Variants in CAPRIN1 observed in about 807,000 individuals in gnomAD.
CAPRIN1 encodes the protein cell cycle associated protein 1.
In CAPRIN1, 29 loss-of-function variants were observed where a neutral mutation model predicts 100.9. That is an observed-to-expected ratio of 0.29 (90% CI 0.21 to 0.39). The LOEUF is 0.39. Among genes scored for constraint, CAPRIN1 ranks in the 10% least tolerant of loss-of-function variants. CAPRIN1 has a pLI of 1.00. For missense variants in CAPRIN1, 795 were observed against 876.7 expected (o/e 0.91, Z 1.18); for synonymous variants, 338 against 307.5 (o/e 1.10, Z -1.04).
Position 34,052,243 on chromosome 11 carries a change from T to TCGCG in CAPRIN1, c.1-170_1-167dup, listed in dbSNP as rs139830067. 7.1e-5 allele frequency: 20 copies of TCGCG among 280,206 alleles called. No homozygotes were observed. The East Asian group carries it at 1.1e-3, about 15-fold the overall frequency. 17.4% of individuals were successfully genotyped at this position (280,206 alleles called of 1,614,324 possible). ...CCCAGCCGGGCGCCCCGCTGGCGGG[T>TCGCG]CGCGCGCGCGCCCGCGCACTCTTCC... On this transcript the variant is annotated intron_variant, in intron 1 of 18. Transcript: ENST00000341394.
At chr11:34,073,425 A>G (rs998088362) in intron 4 of CAPRIN1, among the ~76,000 whole-genome samples, 4 of 152,176 alleles carry the variant, frequency 2.6e-5, no homozygotes, top group African/African-American at 9.7e-5. Context: ...TTGATGCATA[A>G]CTAATATATT....
rs1323074126 is a variant in CAPRIN1, at chr11:34,086,646, G to T, written c.1231+233G>T. ...GGCATGTAGATATAGAAAAATATAC[G>T]CAAGTTTAATGAGTTTTTATAAACT... On this transcript the variant is annotated intron_variant, in intron 11 of 18. Transcript: ENST00000341394. Among the ~76,000 whole-genome samples the T allele has an allele frequency of 2.6e-5, 4 of 152,150 alleles. No homozygotes were observed. In the South Asian group the frequency reaches 6.2e-4, roughly 24 times the overall value.
At chr11:34,086,905 T>C (rs970147945) in intron 11 of CAPRIN1, among the ~76,000 whole-genome samples, 1 of 152,234 alleles carries the variant, frequency 6.6e-6, no homozygotes, top group African/African-American at 2.4e-5. Flanking sequence ...TGCCTTTTTT[T>C]GAATGCTTTT....
At chr11:34,060,407 A>T (rs1232680919) in intron 2 of CAPRIN1, among the ~76,000 whole-genome samples, 1 of 152,078 alleles carries the variant, frequency 6.6e-6, no homozygotes, top group African/African-American at 2.4e-5. Flanking sequence ...CAGGGCAATC[A>T]TAGCTCATTC....
At position 34,100,029 on chromosome 11, in the gene CAPRIN1, C is replaced by A. The variant is rs920353440; in HGVS notation, c.*662C>A. 6.6e-6 allele frequency: 1 copy of A among 152,594 alleles called. No homozygotes were observed. The highest frequency in any genetic ancestry group is 1.5e-5 in the Non-Finnish European group (1 of 68,026). The allele number at this position is 152,594 out of a possible 1,614,324, so 9.5% of individuals were successfully genotyped here. A position where few individuals can be genotyped will look rare whatever the true frequency, so the allele number is the denominator to read the frequency against. ...TACTGTATAAGACAAAGCCAAGATG[C>A]AAAATTAGGCTTTGATTGGCACTTT... On this transcript the variant is annotated 3_prime_UTR_variant, in exon 19 of 19. Coordinates refer to ENST00000341394, the MANE Select transcript of CAPRIN1 (RefSeq NM_005898.5).
At position 34,086,236 on chromosome 11, in the gene CAPRIN1, C is replaced by T. The variant is rs747846837; in HGVS notation, c.1122+17C>T. On this transcript the variant is annotated intron_variant, in intron 10 of 18. Transcript: ENST00000341394. ...TTCATACAGGTATGTTCATTTTAGT[C>T]AGACTCTGTAACAGAAAGTTTAAGT... The T allele has an allele frequency of 1.2e-6, 2 of 1,612,120 alleles. No individual in the cohort carries two copies. Among genetic ancestry groups the T allele is most frequent in the Middle Eastern group, 1.7e-4 (1 of 6,054 alleles).
chr11:34,055,380 C>T (rs963683141), intron 2 of CAPRIN1, among the ~76,000 whole-genome samples: 4 of 152,108 alleles, frequency 2.6e-5, no homozygotes, highest in Admixed American at 6.5e-5. Flanking sequence ...TGGAGTGCGA[C>T]GATGTGATCT....
chr11:34,078,657 C>T (rs1400890670), intron 6 of CAPRIN1, among the ~76,000 whole-genome samples: 2 of 152,092 alleles, frequency 1.3e-5, no homozygotes, highest in Non-Finnish European at 2.9e-5. Flanking sequence ...TGGCCTTTAC[C>T]AGTTTCTCCA....
rs768928975 is a variant in CAPRIN1, at chr11:34,096,446, T to C, written c.1706-33T>C. ...GGAGAACAAACGGTAATGAGCTGTT[T>C]ATGTATATATCTTTTTCTTTTTTAA... is the stretch of plus-strand genomic sequence containing the variant. On this transcript the variant is annotated intron_variant, in intron 15 of 18. Transcript: ENST00000341394. 7.2e-6 allele frequency: 11 copies of C among 1,535,774 alleles called. No homozygotes were observed. The South Asian group carries it at 1.2e-4, about 17-fold the overall frequency.
At chr11:34,072,789 A>G (rs1850827931) in intron 4 of CAPRIN1, among the ~76,000 whole-genome samples, 1 of 152,208 alleles carries the variant, frequency 6.6e-6, no homozygotes, top group Admixed American at 6.5e-5. Context: ...ACAGGCATGT[A>G]CTCCATAATG....
intron 18 of CAPRIN1, chr11:34,098,176 GC>G (rs1451430938): frequency 5.2e-5 from 52 of 997,724 alleles, no homozygotes; most frequent in Non-Finnish European, 5.9e-5. Flanking sequence ...ATATTTTAGG[GC>G]CAGACACCCT....
chr11:34,098,016 C>A, intron 18 of CAPRIN1: 1 of 1,161,306 alleles, frequency 8.6e-7, no homozygotes, highest in Non-Finnish European at 1.1e-6. Flanking sequence ...AAGTGTTTTT[C>A]CAACTGAAAA....
chr11:34,092,865 G>A (rs546067690), intron 15 of CAPRIN1, among the ~76,000 whole-genome samples: 55 of 152,126 alleles, frequency 3.6e-4, no homozygotes, highest in African/African-American at 1.2e-3. Flanking sequence ...ACGCTTTTAT[G>A]TATTTGAGAC....
At chr11:34,071,632 C>A in intron 2 of CAPRIN1, 94 bp from the exon 3 acceptor site, 1 of 852,516 alleles carries the variant, frequency 1.2e-6, no homozygotes, top group Non-Finnish European at 1.9e-6. Context: ...AAATTTGAGA[C>A]AAACTTAGAG....
intron 12 of CAPRIN1, 92 bp from the exon 13 acceptor site, chr11:34,090,087 T>A (rs1851232907): frequency 1.1e-5 from 7 of 646,004 alleles, no homozygotes; most frequent in Non-Finnish European, 1.9e-5. Flanking sequence ...TTGTATCTAT[T>A]TCTTAGCCTT....
chr11:34,065,294 C>A (rs1248004625), intron 2 of CAPRIN1, among the ~76,000 whole-genome samples: 5 of 152,148 alleles, frequency 3.3e-5, no homozygotes, highest in African/African-American at 1.2e-4. Flanking sequence ...ACTAATCATA[C>A]CATATGTTTG....
At chr11:34,075,360 G>C (rs1037995383) in intron 4 of CAPRIN1, among the ~76,000 whole-genome samples, 1 of 152,142 alleles carries the variant, frequency 6.6e-6, no homozygotes, top group Non-Finnish European at 1.5e-5. Flanking sequence ...CTTTTGAGAA[G>C]ACTAGCCTTC....
chr11:34,097,235 C>T lies in CAPRIN1; in HGVS notation c.1940C>T (p.Pro647Leu). 1 of 1,613,884 alleles carries T rather than the reference C, an allele frequency of 6.2e-7. No individual in the cohort carries two copies. The highest frequency in any genetic ancestry group is 8.5e-7 in the Non-Finnish European group (1 of 1,179,814). Reference sequence around the variant, plus strand: ...TACCGCCCTTCATTCTCTAACACTCCAAACAGTGGTTATACACAGTCTCAG... The same window carrying T: ...TACCGCCCTTCATTCTCTAACACTCTAAACAGTGGTTATACACAGTCTCAG... ...DGYRPSFSNT[P>L]NSGYTQSQFS... The change falls in exon 17 of 19, where the codon CCA becomes CTA. Residue 647 changes from proline (P) to leucine (L), a missense_variant. Transcript: ENST00000341394.
In CAPRIN1 at chr11:34,081,303, C is replaced by T. The variant is rs188009215; in HGVS notation, c.827-1522C>T. Among the ~76,000 whole-genome samples the T allele has an allele frequency of 2.8e-3, 430 of 151,450 alleles. 8 individuals carry two copies. Among genetic ancestry groups the T allele is most frequent in the Admixed American group, 0.024 (367 of 15,204 alleles). On this transcript the variant is annotated intron_variant, in intron 7 of 18. Coordinates refer to ENST00000341394, the MANE Select transcript of CAPRIN1 (RefSeq NM_005898.5). ...GCAACCTCTGCCTCCCGGGTTCAAG[C>T]GATTATCCTGTCTCAGGCTCCTGAG... is the stretch of plus-strand genomic sequence containing the variant.
Sources: gnomAD v4.1 joint callset for allele counts (sites outside exome capture counted in the v4.1 genomes callset) on GRCh38, gnomAD v4.1.1 for gene constraint, MANE v1.5 for transcripts, NCBI Gene and HGNC (gene_info 2026-07-23, HGNC 2026-07-21) for gene names.